Variants in JHY observed in about 807,000 individuals in gnomAD.
JHY encodes the protein junctional cadherin complex regulator, also known as jhy protein homolog.
In JHY, 69 loss-of-function variants were observed where a neutral mutation model predicts 78.0. That is an observed-to-expected ratio of 0.88 (90% confidence interval 0.73 to 1.08). The LOEUF (loss-of-function observed/expected upper bound fraction) is 1.08, where lower values mean the gene tolerates loss of function less well. Ranked by LOEUF, JHY falls within the 50% of genes least tolerant of loss-of-function variation. JHY has a pLI of 0.00. For synonymous variants in JHY, 368 were observed against 342.6 expected (o/e 1.07, Z -0.82); for missense variants, 944 against 927.8 (o/e 1.02, Z -0.23).
intron 3 of JHY, among the ~76,000 whole-genome samples, chr11:122,909,762 G>C (rs1051221435): frequency 6.6e-6 from 1 of 152,012 alleles, no homozygotes; most frequent in Non-Finnish European, 1.5e-5. Context: ...CTGGGTGACA[G>C]AGCAAGACTC....
Position 122,916,240 on chromosome 11 carries a change from C to T in JHY, c.865-8657C>T, listed in dbSNP as rs956921194. Reference sequence around the variant, plus strand: ...AATACTCGAGGTGATGGATACCCCACATATCTTGTTCAATACACATTCTGT... The same window carrying T: ...AATACTCGAGGTGATGGATACCCCATATATCTTGTTCAATACACATTCTGT... On this transcript the variant is annotated intron_variant, in intron 3 of 8. Coordinates refer to ENST00000227349, the MANE Select transcript of JHY (RefSeq NM_024806.4). 3.9e-5 allele frequency among the ~76,000 whole-genome samples: 6 copies of T among 152,154 alleles called. 1 individual carries two copies. The highest frequency in any genetic ancestry group is 8.8e-5 in the Non-Finnish European group (6 of 68,028).
chr11:122,952,784 C>A (rs1864115889), intron 6 of JHY, among the ~76,000 whole-genome samples: 2 of 152,192 alleles, frequency 1.3e-5, no homozygotes, highest in Non-Finnish European at 2.9e-5. Context: ...CATCTTTGGA[C>A]AAATTGGATT....
Position 122,962,424 on chromosome 11 carries a change from A to G in JHY, c.*2979A>G, listed in dbSNP as rs1257866693. On this transcript the variant is annotated 3_prime_UTR_variant, in exon 9 of 9. Coordinates refer to ENST00000227349, the MANE Select transcript of JHY (RefSeq NM_024806.4). ...AGAATTGAGAGTCTGCAAAGATAAC[A>G]AGTATCTGAAGATAAACAGAAAACT... 6.6e-6 allele frequency among the ~76,000 whole-genome samples: 1 copy of G among 152,222 alleles called. No individual in the cohort carries two copies. Among genetic ancestry groups the G allele is most frequent in the Non-Finnish European group, 1.5e-5 (1 of 68,022 alleles).
intron 6 of JHY, among the ~76,000 whole-genome samples, chr11:122,953,897 T>C (rs1267038259): frequency 2.6e-5 from 4 of 152,236 alleles, no homozygotes; most frequent in African/African-American, 9.6e-5. Context: ...CATAAATGTT[T>C]AACATTCTAA....
chr11:122,893,866 A>G (rs1862677816), intron 2 of JHY, among the ~76,000 whole-genome samples: 1 of 152,178 alleles, frequency 6.6e-6, no homozygotes, highest in Non-Finnish European at 1.5e-5. Flanking sequence ...TTTATTGTAC[A>G]GAGGAGGAAC....
intron 3 of JHY, among the ~76,000 whole-genome samples, chr11:122,914,372 T>G (rs1428727306): frequency 6.6e-6 from 1 of 152,202 alleles, no homozygotes; most frequent in Non-Finnish European, 1.5e-5. Flanking sequence ...TATATTTGGT[T>G]AGAAACATAG....
At chr11:122,887,538 G>A (rs960805532) in intron 2 of JHY, among the ~76,000 whole-genome samples, 1 of 152,010 alleles carries the variant, frequency 6.6e-6, no homozygotes, top group Non-Finnish European at 1.5e-5. Flanking sequence ...GGCCAGGATG[G>A]TCTCGATCTC....
At chr11:122,887,326 T>C (rs1441883731) in intron 2 of JHY, among the ~76,000 whole-genome samples, 1 of 152,174 alleles carries the variant, frequency 6.6e-6, no homozygotes, top group African/African-American at 2.4e-5. Context: ...TGTTAGTTTT[T>C]TTTGTGTGTG....
At chr11:122,957,818 C>CACAT in intron 8 of JHY, among the ~76,000 whole-genome samples, 1 of 151,734 alleles carries the variant, frequency 6.6e-6, no homozygotes, top group East Asian at 1.9e-4. Context: ...CAGTCACACA[C>CACAT]ACACACACAC....
At chr11:122,957,244 T>C (rs1864211626) in intron 7 of JHY, 119 bp from the exon 8 acceptor site, 2 of 1,131,030 alleles carry the variant, frequency 1.8e-6, no homozygotes, top group Non-Finnish European at 2.4e-6. Flanking sequence ...GGTGATCCCA[T>C]TGCTCCTGTA....
intron 3 of JHY, chr11:122,905,646 T>C: frequency 1.1e-6 from 1 of 946,584 alleles, no homozygotes; most frequent in Non-Finnish European, 1.3e-6. Context: ...GGTGGGAGGA[T>C]CACTTGAGGC....
At chr11:122,942,956 T>G (rs1863903350) in intron 5 of JHY, among the ~76,000 whole-genome samples, 1 of 152,136 alleles carries the variant, frequency 6.6e-6, no homozygotes, top group Middle Eastern at 3.4e-3. Flanking sequence ...CTCACTGCAG[T>G]CTCCAACTCC....
intron 4 of JHY, among the ~76,000 whole-genome samples, chr11:122,928,351 C>T (rs946307013): frequency 6.6e-6 from 1 of 152,072 alleles, no homozygotes; most frequent in African/African-American, 2.4e-5. Context: ...TAGTGTATCT[C>T]CAGGAGAAAA....
chr11:122,943,293 C>T (rs568297587), intron 5 of JHY, among the ~76,000 whole-genome samples: 7 of 152,310 alleles, frequency 4.6e-5, no homozygotes, highest in African/African-American at 1.7e-4. Flanking sequence ...TGTTATATAT[C>T]TAACAAAACA....
At position 122,883,939 on chromosome 11, in the gene JHY, C is replaced by G. The variant is rs894896718; in HGVS notation, c.-90+967C>G. 3.9e-5 allele frequency among the ~76,000 whole-genome samples: 6 copies of G among 152,206 alleles called. No homozygotes were observed. Among genetic ancestry groups the G allele is most frequent in the African/African-American group, 1.4e-4 (6 of 41,438 alleles). On this transcript the variant is annotated intron_variant, in intron 1 of 8. Coordinates refer to ENST00000227349, the MANE Select transcript of JHY (RefSeq NM_024806.4). This position sits in a 1 kb window ranked among gnomAD's most constrained non-coding sequence, Gnocchi z 4.4. Reference sequence around the variant, plus strand: ...AACGCTTAAGCTTGCTCTTCAGGATCTCAAATTCAGTGACCTTAGCTCCTC... The same window carrying G: ...AACGCTTAAGCTTGCTCTTCAGGATGTCAAATTCAGTGACCTTAGCTCCTC...
intron 3 of JHY, among the ~76,000 whole-genome samples, chr11:122,916,670 CCCTCTGT>C (rs1351755123): frequency 4.6e-5 from 7 of 152,138 alleles, no homozygotes; most frequent in African/African-American, 1.4e-4. Context: ...GATGTAGTCT[CCCTCTGT>C]CAACCAGGCT....
intron 3 of JHY, among the ~76,000 whole-genome samples, chr11:122,921,189 A>C (rs1312270259): frequency 6.6e-6 from 1 of 152,164 alleles, no homozygotes; most frequent in Non-Finnish European, 1.5e-5. Flanking sequence ...TGTATATCCT[A>C]CATTTTCTGG....
chr11:122,892,297 A>T (rs1285678401), intron 2 of JHY, among the ~76,000 whole-genome samples: 4 of 147,394 alleles, frequency 2.7e-5, no homozygotes, highest in Admixed American at 6.8e-5. Context: ...TCTGCAAGTT[A>T]AAAAAAAAAG....
intron 2 of JHY, among the ~76,000 whole-genome samples, chr11:122,901,812 G>A (rs1223111648): frequency 6.6e-6 from 1 of 151,660 alleles, no homozygotes; most frequent in Non-Finnish European, 1.5e-5. Context: ...GGCAGAGCTT[G>A]CAGTTAACCA....
Sources: allele counts gnomAD v4.1 joint callset (sites outside exome capture counted in the v4.1 genomes callset), GRCh38; gene constraint gnomAD v4.1.1; non-coding constraint Gnocchi (gnomAD v3.1); transcripts MANE v1.5; gene names NCBI Gene and HGNC (gene_info 2026-07-23, HGNC 2026-07-21).